The following HSF2BP variants were observed in gnomAD, a reference collection of about 807,000 sequenced individuals.
The protein encoded by HSF2BP is heat shock factor 2-binding protein.
HSF2BP carries 35 observed loss-of-function variants against 35.0 expected under a neutral mutation model. That is an observed-to-expected ratio of 1.00 (90% CI 0.76 to 1.32). The LOEUF (loss-of-function observed/expected upper bound fraction) is 1.32. Ranked by LOEUF, HSF2BP falls within the 40% of genes most tolerant of loss-of-function variation. HSF2BP has a pLI of 0.00. For synonymous variants in HSF2BP, 114 were observed against 117.4 expected, an observed-to-expected ratio of 0.97 and a Z score of 0.18; for missense variants, 326 against 321.7, an observed-to-expected ratio of 1.01 and a Z score of -0.10.
rs1601745931 is a variant in HSF2BP at position 43,659,128 on chromosome 21, TCTCTACAA to T, written c.-225+250_-225+257del. Among the ~76,000 whole-genome samples, 2 of 151,946 alleles carry T rather than the reference TCTCTACAA, an allele frequency of 1.3e-5. No individual in the cohort carries two copies. The highest frequency in any genetic ancestry group is 6.5e-5 in the Admixed American group (1 of 15,282). On this transcript the variant is annotated intron_variant, in intron 1 of 8. Transcript: ENST00000291560. This position sits in a 1 kb window ranked among gnomAD's most constrained non-coding sequence, Gnocchi z 4.2. Reference sequence around the variant, plus strand: ...GCTTGGGCAACATAGCGAGACACCGTCTCTACAAAAAAATAACAAATAGTGGGGCGTGA... The same window carrying T: ...GCTTGGGCAACATAGCGAGACACCGTAAAAATAACAAATAGTGGGGCGTGA...
intron 2 of HSF2BP, 66 bp downstream of exon 2, chr21:43,657,995 G>T (rs1407977957): frequency 3.3e-6 from 5 of 1,532,384 alleles, no homozygotes; most frequent in Non-Finnish European, 4.4e-6. Context: ...CACGGGGCGA[G>T]GCCCTGAGGG....
chr21:43,630,330 A>G lies in HSF2BP; in HGVS notation c.566T>C (p.Ile189Thr). The G allele has an allele frequency of 6.2e-7, 1 of 1,612,174 alleles. No homozygotes were observed. The highest frequency in any genetic ancestry group is 1.1e-5 in the South Asian group (1 of 90,560). ...ESQFVFALAG[I>T]VTNVAAIACG... The stretch of plus-strand genomic sequence containing the variant: ...GGTGCGCCTGCACTTACTCGTGACA[A>G]TTCCAGCCAGAGCGAAAACAAACTG... Residue 189 changes from isoleucine to threonine, a missense_variant, in exon 6 of 9, where the codon ATT becomes ACT. Physicochemically the swap from Ile to Thr is moderately conservative, Grantham distance 89 (BLOSUM62 -1). Coordinates refer to ENST00000291560, the MANE Select transcript of HSF2BP (RefSeq NM_007031.2).
intron 4 of HSF2BP, among the ~76,000 whole-genome samples, chr21:43,640,726 A>G (rs1249228568): frequency 6.6e-6 from 1 of 152,174 alleles, no homozygotes; most frequent in African/African-American, 2.4e-5. Flanking sequence ...ACTTTTTGAA[A>G]CTTCTAGTGA....
rs1379874447 is a variant in HSF2BP, at chr21:43,644,543, A to C, written c.188-151T>G. 3 of 620,086 alleles carry C rather than the reference A, an allele frequency of 4.8e-6. No individual in the cohort carries two copies. The African/African-American group carries it at 5.5e-5, about 11-fold the overall frequency. 38.4% of individuals were successfully genotyped at this position (620,086 alleles called of 1,614,324 possible). A position where few individuals can be genotyped will look rare whatever the true frequency, so the allele number is the denominator to read the frequency against. ...CTTGACTTCTAGCCTGTCCTTGAAT[A>C]ACCAATATTCTAACAGTCCTGTTCT... On this transcript the variant is annotated intron_variant, in intron 3 of 8. Transcript: ENST00000291560.
At chr21:43,626,133 G>T (rs528945050) in intron 6 of HSF2BP, among the ~76,000 whole-genome samples, 1 of 152,336 alleles carries the variant, frequency 6.6e-6, no homozygotes, top group African/African-American at 2.4e-5. Context: ...CTGCACTGGA[G>T]TAAGGAATAG....
chr21:43,505,714 C>T, the HSF2BP span, among the ~76,000 whole-genome samples: 1 of 105,904 alleles, frequency 9.4e-6, no homozygotes, highest in East Asian at 2.4e-4. Flanking sequence ...GGTTGGACTT[C>T]CGAGGTTCGG....
chr21:43,603,830 GA>G (rs1167724445), intron 7 of HSF2BP, among the ~76,000 whole-genome samples: 11 of 152,102 alleles, frequency 7.2e-5, no homozygotes, highest in African/African-American at 2.4e-4. Flanking sequence ...CTATGCCACT[GA>G]AAAAACTCAC....
chr21:43,606,917 G>A lies in HSF2BP; in HGVS notation c.692+6913C>T, dbSNP rs145122467. Among the ~76,000 whole-genome samples, 8 of 152,256 alleles carry A rather than the reference G, an allele frequency of 5.3e-5. No homozygotes were observed. In the East Asian group the frequency reaches 1.5e-3, roughly 29 times the overall value. ...GGGACATTTCATTAAAAATAAAAAT[G>A]GGCAGCTAGAAGAAACACTTCCCCT... On this transcript the variant is annotated intron_variant, in intron 7 of 8. Coordinates refer to ENST00000291560, the MANE Select transcript of HSF2BP (RefSeq NM_007031.2).
Position 43,592,343 on chromosome 21 carries a change from A to G in HSF2BP, c.693-15T>C. 5 of 1,557,566 alleles carry G rather than the reference A, an allele frequency of 3.2e-6. No homozygotes were observed. The highest frequency in any genetic ancestry group is 2.7e-6 in the Non-Finnish European group (3 of 1,128,578). On this transcript the variant is annotated splice_polypyrimidine_tract_variant and intron_variant, in intron 7 of 8. Transcript: ENST00000291560. ...TCAGCATTAGCCTGAAATGTAAAAG[A>G]AAAAGGTGTTGGAATGCTCCATCCA...
intron 6 of HSF2BP, among the ~76,000 whole-genome samples, chr21:43,629,061 G>A (rs963095301): frequency 7.2e-5 from 11 of 152,180 alleles, no homozygotes; most frequent in Admixed American, 5.9e-4. Flanking sequence ...GAGGTACAAG[G>A]AAAGTAATGT....
chr21:43,579,734 T>C (rs1568882205), intron 8 of HSF2BP, among the ~76,000 whole-genome samples: 1 of 152,204 alleles, frequency 6.6e-6, no homozygotes, highest in Non-Finnish European at 1.5e-5. Flanking sequence ...AACTCTCTGT[T>C]GCCAAATGCT....
chr21:43,586,290 T>C (rs1344610133), intron 8 of HSF2BP, among the ~76,000 whole-genome samples: 1 of 152,070 alleles, frequency 6.6e-6, no homozygotes, highest in African/African-American at 2.4e-5. Flanking sequence ...GGAAGACAAA[T>C]GAAATCTAGC....
Position 43,650,101 on chromosome 21 carries a change from T to C in HSF2BP, c.188-5709A>G, listed in dbSNP as rs548847827. Among the ~76,000 whole-genome samples, 11 of 152,370 alleles carry C rather than the reference T, an allele frequency of 7.2e-5. 2 individuals carry two copies. Among genetic ancestry groups the C allele is most frequent in the African/African-American group, 2.4e-4 (10 of 41,590 alleles). Reference sequence around the variant, plus strand: ...TGTGTTTTCATCGCACCACCTTCATTGTACTTACTGATTTTATAAGTCAAT... The same window carrying C: ...TGTGTTTTCATCGCACCACCTTCATCGTACTTACTGATTTTATAAGTCAAT... On this transcript the variant is annotated intron_variant, in intron 3 of 8. Coordinates refer to ENST00000291560, the MANE Select transcript of HSF2BP (RefSeq NM_007031.2).
chr21:43,641,338 A>T (rs1336823934), intron 4 of HSF2BP, among the ~76,000 whole-genome samples: 1 of 152,022 alleles, frequency 6.6e-6, no homozygotes, highest in Non-Finnish European at 1.5e-5. Flanking sequence ...GGAAGCTGGG[A>T]TCTTTTTCCT....
chr21:43,572,735 C>T (rs554150729), intron 8 of HSF2BP, among the ~76,000 whole-genome samples: 11 of 152,340 alleles, frequency 7.2e-5, no homozygotes, highest in African/African-American at 2.2e-4. Flanking sequence ...CCTTTTCCAA[C>T]GAGCTGTCTT....
chr21:43,587,318 G>A (rs1314476847), intron 8 of HSF2BP, among the ~76,000 whole-genome samples: 2 of 152,272 alleles, frequency 1.3e-5, no homozygotes, highest in East Asian at 3.9e-4. Flanking sequence ...ATTTATGAGG[G>A]GTTGGGCTGT....
intron 7 of HSF2BP, among the ~76,000 whole-genome samples, chr21:43,605,600 A>G (rs1236392858): frequency 6.8e-6 from 1 of 146,522 alleles, no homozygotes; most frequent in Non-Finnish European, 1.5e-5. Flanking sequence ...TACCACACAC[A>G]CACATCCCCC....
intron 8 of HSF2BP, among the ~76,000 whole-genome samples, chr21:43,582,481 G>C (rs1427447612): frequency 1.4e-5 from 2 of 139,190 alleles, no homozygotes; most frequent in Non-Finnish European, 3.1e-5. Flanking sequence ...GAGATGAAGG[G>C]CCTGCTGAGG....
intron 4 of HSF2BP, among the ~76,000 whole-genome samples, chr21:43,638,515 C>A (rs1169227713): frequency 6.6e-6 from 1 of 152,090 alleles, no homozygotes; most frequent in Non-Finnish European, 1.5e-5. Flanking sequence ...AAACACAATA[C>A]CATTTACGGT....
Sources: gnomAD v4.1 joint callset for allele counts (sites outside exome capture counted in the v4.1 genomes callset) on GRCh38, gnomAD v4.1.1 for gene constraint, Gnocchi (gnomAD v3.1) non-coding constraint, MANE v1.5 for transcripts, NCBI Gene and HGNC (gene_info 2026-07-23, HGNC 2026-07-21) for gene names.